PARPBP: variants seen among roughly 807,000 people sequenced by gnomAD.
The protein encoded by PARPBP is PCNA-interacting partner.
In PARPBP, 52 loss-of-function variants were observed where a neutral mutation model predicts 50.0. That is an observed-to-expected ratio of 1.04 (90% CI 0.83 to 1.31). PARPBP has a LOEUF of 1.31. Ranked by LOEUF, PARPBP falls within the 50% of genes most tolerant of loss-of-function variation. The pLI, the probability that PARPBP is intolerant of heterozygous loss-of-function variation, is 0.00. For missense variants in PARPBP, 697 were observed against 672.0 expected, an observed-to-expected ratio of 1.04 and a Z score of -0.41; for synonymous variants, 244 against 232.1, an observed-to-expected ratio of 1.05 and a Z score of -0.47.
chr12:102,153,640 C>G (rs1166368797), intron 3 of PARPBP, among the ~76,000 whole-genome samples: 2 of 152,230 alleles, frequency 1.3e-5, no homozygotes, highest in African/African-American at 4.8e-5. Context: ...GTACCTGACC[C>G]TAAACTCTTT....
intron 9 of PARPBP, among the ~76,000 whole-genome samples, chr12:102,189,637 G>A (rs567309977): frequency 6.6e-6 from 1 of 152,146 alleles, no homozygotes; most frequent in Non-Finnish European, 1.5e-5. Flanking sequence ...TAGGCAGAGA[G>A]ATTGAAATAG....
chr12:102,184,046 G>GA (rs71438459), intron 9 of PARPBP, among the ~76,000 whole-genome samples: 1,553 of 59,704 alleles, frequency 0.026, 47 homozygotes, highest in East Asian at 0.085. Flanking sequence ...GACTCTATCT[G>GA]AAAAAAAAAA....
At chr12:102,145,516 A>G (rs2138458016) in intron 2 of PARPBP, among the ~76,000 whole-genome samples, 1 of 147,890 alleles carries the variant, frequency 6.8e-6, no homozygotes, top group East Asian at 2.0e-4. Flanking sequence ...GCAGAATGGA[A>G]TCAATAAAAA....
intron 9 of PARPBP, 126 bp downstream of exon 9, chr12:102,182,753 TG>T (rs1210027923): frequency 2.0e-5 from 14 of 690,536 alleles, no homozygotes; most frequent in Non-Finnish European, 7.5e-6. Context: ...AGGAATTAAA[TG>T]GAAAATGAGT....
intron 8 of PARPBP, 60 bp from the exon 9 acceptor site, chr12:102,182,489 G>T: frequency 8.4e-7 from 1 of 1,185,722 alleles, no homozygotes; most frequent in South Asian, 1.3e-5. Context: ...CGTGAATTTG[G>T]AGGGAAACAA....
chr12:102,154,409 A>C (rs1437206159), intron 4 of PARPBP, among the ~76,000 whole-genome samples: 1 of 152,212 alleles, frequency 6.6e-6, no homozygotes, highest in Non-Finnish European at 1.5e-5. Flanking sequence ...ACCACCGAAA[A>C]GTAGTGCCAC....
intron 6 of PARPBP, among the ~76,000 whole-genome samples, chr12:102,171,324 G>A (rs1333758521): frequency 6.6e-6 from 1 of 152,058 alleles, no homozygotes; most frequent in African/African-American, 2.4e-5. Flanking sequence ...GTTTACACAA[G>A]CATCACCACA....
chr12:102,129,134 T>TA (rs1404035873), intron 2 of PARPBP, among the ~76,000 whole-genome samples: 4 of 152,152 alleles, frequency 2.6e-5, no homozygotes, highest in Non-Finnish European at 4.4e-5. Context: ...GTCCAATTCT[T>TA]AAAAAACGAT....
At chr12:102,131,218 G>C (rs1480834343) in intron 2 of PARPBP, among the ~76,000 whole-genome samples, 1 of 152,090 alleles carries the variant, frequency 6.6e-6, no homozygotes, top group Non-Finnish European at 1.5e-5. Flanking sequence ...CCAGCCACTT[G>C]GGAGGCTGAG....
At chr12:102,147,933 G>C (rs1353367782) in intron 2 of PARPBP, among the ~76,000 whole-genome samples, 1 of 152,046 alleles carries the variant, frequency 6.6e-6, no homozygotes, top group African/African-American at 2.4e-5. Flanking sequence ...CATCCATTTT[G>C]GGTAGAAGAA....
At position 102,197,414 on chromosome 12, in the gene PARPBP, G is replaced by C; in HGVS notation, c.*1123G>C. On this transcript the variant is annotated 3_prime_UTR_variant, in exon 11 of 11. Coordinates refer to ENST00000327680, the MANE Select transcript of PARPBP (RefSeq NM_017915.5). Reference sequence around the variant, plus strand: ...AGTCGTCCTAATGCATATTGTGACTGTTTGCATATACTTCTGTTTATAAAA... The same window carrying C: ...AGTCGTCCTAATGCATATTGTGACTCTTTGCATATACTTCTGTTTATAAAA... 1.9e-6 allele frequency: 2 copies of C among 1,052,742 alleles called. No homozygotes were observed. Among genetic ancestry groups the C allele is most frequent in the Non-Finnish European group, 2.8e-6 (2 of 725,212 alleles). 65.2% of individuals were successfully genotyped at this position (1,052,742 alleles called of 1,614,324 possible).
intron 2 of PARPBP, among the ~76,000 whole-genome samples, chr12:102,135,378 A>G (rs1053596809): frequency 1.3e-5 from 2 of 151,976 alleles, no homozygotes; most frequent in African/African-American, 4.8e-5. Context: ...CCCCATCTTT[A>G]CTAAAAATAC....
chr12:102,165,596 G>A (rs1405078533), intron 5 of PARPBP, 133 bp from the exon 6 acceptor site: 1 of 655,826 alleles, frequency 1.5e-6, no homozygotes, highest in African/African-American at 1.9e-5. Flanking sequence ...GACTCAAAGT[G>A]TGTCATGAGC....
chr12:102,188,454 C>T (rs1890509859), intron 9 of PARPBP, among the ~76,000 whole-genome samples: 1 of 151,994 alleles, frequency 6.6e-6, no homozygotes, highest in East Asian at 1.9e-4. Flanking sequence ...AACCAGAAGT[C>T]AAATGTGAGT....
intron 3 of PARPBP, chr12:102,150,198 A>C: frequency 2.2e-6 from 1 of 454,684 alleles, no homozygotes; most frequent in Non-Finnish European, 4.4e-6. Flanking sequence ...CATGAAGTAG[A>C]AAATGTTCTG....
Position 102,196,320 on chromosome 12 carries a change from G to A in PARPBP, c.*29G>A. On this transcript the variant is annotated 3_prime_UTR_variant, in exon 11 of 11. Coordinates refer to ENST00000327680, the MANE Select transcript of PARPBP (RefSeq NM_017915.5). ...TGTGTCTTATATGCTTTAGGTTTAT[G>A]TATCTATAAACCATTCACCAAAGAC... 3.7e-6 allele frequency: 5 copies of A among 1,349,014 alleles called. No homozygotes were observed. The highest frequency in any genetic ancestry group is 5.1e-6 in the Non-Finnish European group (5 of 977,464). The allele number at this position is 1,349,014 out of a possible 1,614,324, so 83.6% of individuals were successfully genotyped here. A position where few individuals can be genotyped will look rare whatever the true frequency, so the allele number is the denominator to read the frequency against.
chr12:102,120,356 G>T, intron 1 of PARPBP, 70 bp downstream of exon 1: 1 of 402,392 alleles, frequency 2.5e-6, no homozygotes, highest in Non-Finnish European at 5.0e-6. Flanking sequence ...GGCTTTTGAG[G>T]GTGTTTTGCA....
intron 2 of PARPBP, among the ~76,000 whole-genome samples, chr12:102,128,210 A>G (rs1216440777): frequency 6.6e-6 from 1 of 151,554 alleles, no homozygotes; most frequent in African/African-American, 2.4e-5. Flanking sequence ...AGTAACCATC[A>G]TTGTCTTTCT....
At chr12:102,158,477 C>G (rs1278089285) in intron 4 of PARPBP, among the ~76,000 whole-genome samples, 1 of 152,170 alleles carries the variant, frequency 6.6e-6, no homozygotes. Flanking sequence ...TTTTTACATG[C>G]TCTAGTAGAC....
Sources: gnomAD v4.1 joint callset for allele counts (sites outside exome capture counted in the v4.1 genomes callset) on GRCh38, gnomAD v4.1.1 for gene constraint, MANE v1.5 for transcripts, NCBI Gene and HGNC (gene_info 2026-07-23, HGNC 2026-07-21) for gene names.